The following QSOX2 variants were observed in gnomAD, a reference collection of about 807,000 sequenced individuals.
The protein encoded by QSOX2 is quiescin sulfhydryl oxidase 2.
In QSOX2, 46 loss-of-function variants were observed where a neutral mutation model predicts 61.7. The observed-to-expected ratio is 0.75, with a 90% CI of 0.59 to 0.95. The LOEUF (loss-of-function observed/expected upper bound fraction) is 0.95, where lower values mean the gene tolerates loss of function less well. Ranked by LOEUF, QSOX2 falls within the 40% of genes least tolerant of loss-of-function variation. The pLI is 0.00. For synonymous variants in QSOX2, 383 were observed against 388.4 expected (o/e 0.99, Z 0.16); for missense variants, 879 against 918.9 (o/e 0.96, Z 0.56).
Position 136,223,847 on chromosome 9 carries a change from A to C in QSOX2, c.591T>G (p.Ser197Arg), listed in dbSNP as rs370519820. 1.2e-6 allele frequency: 2 copies of C among 1,613,944 alleles called. No individual in the cohort carries two copies. Among genetic ancestry groups the C allele is most frequent in the African/African-American group, 2.7e-5 (2 of 75,010 alleles). ...GGTTGTCAAGAAGGGAAAGAACATC[A>C]CTGGGCCTTTCAAGAGGAAAAAAAG... is the stretch of plus-strand genomic sequence containing the variant. ...ACPRLDPIQP[S>R]DVLSLLDNRG... The change falls in exon 5 of 12, where the codon AGT (serine) becomes AGG (arginine). Residue 197 changes from serine (S) to arginine (R), a missense_variant. By Grantham distance (110) the Ser-to-Arg change is moderately radical. Coordinates refer to ENST00000358701, the MANE Select transcript of QSOX2 (RefSeq NM_181701.4). This position sits in a 1 kb window ranked among gnomAD's most constrained non-coding sequence, Gnocchi z 4.4.
At position 136,216,528 on chromosome 9, in the gene QSOX2, C is replaced by T. The variant is rs1564290564; in HGVS notation, c.1209+72G>A. The T allele has an allele frequency of 2.5e-6, 4 of 1,583,816 alleles. No homozygotes were observed. The South Asian group carries it at 4.5e-5, about 18-fold the overall frequency. On this transcript the variant is annotated intron_variant, in intron 9 of 11. Transcript: ENST00000358701. ...CCCGGGCCCCGAGCAGGGAGATGCACCAGCTAAGGGCAAGGGAAGGAAGGC... is the reference window on the plus strand; with the variant it reads ...CCCGGGCCCCGAGCAGGGAGATGCATCAGCTAAGGGCAAGGGAAGGAAGGC...
chr9:136,223,908 A>G lies in QSOX2; in HGVS notation c.585-55T>C. 3 of 1,585,822 alleles carry G rather than the reference A, an allele frequency of 1.9e-6. No individual in the cohort carries two copies. Among genetic ancestry groups the G allele is most frequent in the Non-Finnish European group, 2.6e-6 (3 of 1,155,070 alleles). On this transcript the variant is annotated intron_variant, in intron 4 of 11. Transcript: ENST00000358701. The surrounding 1 kb of genome is among the most constrained non-coding windows in gnomAD (Gnocchi z 4.4). The stretch of plus-strand genomic sequence containing the variant: ...TGCCGTCAACAGCAGCGAGTTGGCC[A>G]CCACATCCCAGTGGCCACATCACTT...
rs1831943271 is a variant in QSOX2 at position 136,218,683 on chromosome 9, G to A, written c.1082C>T (p.Ala361Val). 4.3e-6 allele frequency: 7 copies of A among 1,613,536 alleles called. No homozygotes were observed. Among genetic ancestry groups the A allele is most frequent in the Non-Finnish European group, 5.9e-6 (7 of 1,179,832 alleles). Reference sequence around the variant, plus strand: ...CAGACCAGCACCGTCCCAAACCTTGGCCAAGACAGTCACAAAGTCCTTGAG... The same window carrying A: ...CAGACCAGCACCGTCCCAAACCTTGACCAAGACAGTCACAAAGTCCTTGAG... ...KTLKDFVTVL[A>V]KLFPGRPPVK... is the part of the protein sequence containing the mutation. Residue 361 changes from alanine to valine, a missense_variant, in exon 8 of 12, where the codon GCC (alanine) becomes GTC (valine). Coordinates refer to ENST00000358701, the MANE Select transcript of QSOX2 (RefSeq NM_181701.4).
chr9:136,229,899 T>C (rs1830314863), intron 1 of QSOX2, among the ~76,000 whole-genome samples: 1 of 152,216 alleles, frequency 6.6e-6, no homozygotes, highest in South Asian at 2.1e-4. Flanking sequence ...CACAGAGCCC[T>C]GCACAGCGAC....
intron 1 of QSOX2, 48 bp from the exon 2 acceptor site, chr9:136,226,922 G>A (rs752223419): frequency 3.2e-5 from 49 of 1,540,140 alleles, no homozygotes; most frequent in Non-Finnish European, 4.0e-5. Context: ...CTGGACTCCC[G>A]GGAAGCCCAG....
chr9:136,225,618 T>C (rs1830273357), intron 2 of QSOX2, among the ~76,000 whole-genome samples: 1 of 152,222 alleles, frequency 6.6e-6, no homozygotes, highest in African/African-American at 2.4e-5. Context: ...TGCAGGTCTG[T>C]TGTGCACAGA....
rs768070302 is a variant in QSOX2 at position 136,223,765 on chromosome 9, C to T, written c.673G>A (p.Glu225Lys). Residue 225 changes from glutamate to lysine, a missense_variant and splice_region_variant, in exon 5 of 12, where the codon GAG becomes AAG. Transcript: ENST00000358701. The surrounding 1 kb of genome is among the most constrained non-coding windows in gnomAD (Gnocchi z 4.4). Reference protein sequence around the residue: ...FESNSSYLGREVILDLIPYES... With the variant: ...FESNSSYLGRKVILDLIPYES... ...TGGAGCCCACGCAGAGGCCGTACCTCCCGTCCAAGGTAGGAGCTGTTGCTT... is the reference window on the plus strand; with the variant it reads ...TGGAGCCCACGCAGAGGCCGTACCTTCCGTCCAAGGTAGGAGCTGTTGCTT... 1.2e-6 allele frequency: 2 copies of T among 1,613,758 alleles called. No homozygotes were observed. Among genetic ancestry groups the T allele is most frequent in the South Asian group, 1.1e-5 (1 of 91,050 alleles).
intron 10 of QSOX2, among the ~76,000 whole-genome samples, chr9:136,212,259 C>T (rs896616031): frequency 6.6e-6 from 1 of 152,224 alleles, no homozygotes. Flanking sequence ...CTCGGCAGTC[C>T]CCACTCAGAC....
At position 136,209,375 on chromosome 9, in the gene QSOX2, C is replaced by T; in HGVS notation, c.1550-100G>A. ...ACTCCCACTCCCACCCACCACGGGC[C>T]TCCACTGCCCTGGCCCAGGGTCCTG... is the stretch of plus-strand genomic sequence containing the variant. On this transcript the variant is annotated intron_variant, in intron 11 of 11. Transcript: ENST00000358701. This position sits in a 1 kb window ranked among gnomAD's most constrained non-coding sequence, Gnocchi z 5.6. 6.5e-7 allele frequency: 1 copy of T among 1,533,174 alleles called. No individual in the cohort carries two copies. The highest frequency in any genetic ancestry group is 8.8e-7 in the Non-Finnish European group (1 of 1,141,148). 95.0% of individuals were successfully genotyped at this position (1,533,174 alleles called of 1,614,324 possible).
chr9:136,237,470 A>T (rs1196756207), intron 1 of QSOX2, among the ~76,000 whole-genome samples: 150 of 47,434 alleles, frequency 3.2e-3, no homozygotes, highest in Admixed American at 3.4e-3. Flanking sequence ...TGTGCCGGCG[A>T]CACCTGGAGC....
In QSOX2 at chr9:136,209,755, T is replaced by C. The variant is rs1831823367; in HGVS notation, c.1550-480A>G. 4.1e-6 allele frequency: 4 copies of C among 984,912 alleles called. No individual in the cohort carries two copies. The highest frequency in any genetic ancestry group is 5.2e-4 in the Middle Eastern group (1 of 1,914). The allele number at this position is 984,912 out of a possible 1,614,324, so 61.0% of individuals were successfully genotyped here. On this transcript the variant is annotated intron_variant, in intron 11 of 11. Coordinates refer to ENST00000358701, the MANE Select transcript of QSOX2 (RefSeq NM_181701.4). This position sits in a 1 kb window ranked among gnomAD's most constrained non-coding sequence, Gnocchi z 5.6. ...CCTGGGTGCTATGGACAGTGGGCCTTAGGTGCACCTTCAGGAAAGGGCAGA... is the reference window on the plus strand; with the variant it reads ...CCTGGGTGCTATGGACAGTGGGCCTCAGGTGCACCTTCAGGAAAGGGCAGA...
At chr9:136,235,581 C>T (rs981070868) in intron 1 of QSOX2, among the ~76,000 whole-genome samples, 4 of 152,230 alleles carry the variant, frequency 2.6e-5, no homozygotes, top group Admixed American at 6.5e-5. Flanking sequence ...CACGGGCAGC[C>T]ACTGATGTGC....
chr9:136,227,208 C>T (rs1035943164), intron 1 of QSOX2, among the ~76,000 whole-genome samples: 2 of 152,186 alleles, frequency 1.3e-5, no homozygotes, highest in Non-Finnish European at 2.9e-5. Flanking sequence ...CGGCTGTCAG[C>T]GGCCGGCACT....
chr9:136,214,251 T>C (rs1222005393), intron 10 of QSOX2, among the ~76,000 whole-genome samples: 1 of 152,226 alleles, frequency 6.6e-6, no homozygotes, highest in Non-Finnish European at 1.5e-5. Context: ...TTGAAAATTA[T>C]TAAATCCAAC....
Position 136,216,732 on chromosome 9 carries a change from G to A in QSOX2, c.1087-10C>T. On this transcript the variant is annotated splice_polypyrimidine_tract_variant and intron_variant, in intron 8 of 11. Coordinates refer to ENST00000358701, the MANE Select transcript of QSOX2 (RefSeq NM_181701.4). Reference sequence around the variant, plus strand: ...GCCGTCCAGGGAACAGCTGCATGAGGAAGGAGCCACCTGAGAGCTACAGAC... The same window carrying A: ...GCCGTCCAGGGAACAGCTGCATGAGAAAGGAGCCACCTGAGAGCTACAGAC... The A allele has an allele frequency of 2.5e-6, 4 of 1,612,856 alleles. No individual in the cohort carries two copies. Among genetic ancestry groups the A allele is most frequent in the African/African-American group, 2.7e-5 (2 of 75,050 alleles).
At chr9:136,226,990 C>G in intron 1 of QSOX2, 116 bp from the exon 2 acceptor site, 1 of 775,970 alleles carries the variant, frequency 1.3e-6, no homozygotes, top group Non-Finnish European at 2.3e-6. Flanking sequence ...CACCTGCCCC[C>G]TCTAGGTCAT....
In QSOX2 at chr9:136,222,073, C is replaced by T; in HGVS notation, c.676-132G>A. The stretch of plus-strand genomic sequence containing the variant: ...AAGTCTGTCCCCCTGCAGGCAAGAC[C>T]CTCACTCAAATCTTCACTCTCATTG... On this transcript the variant is annotated intron_variant, in intron 5 of 11. Transcript: ENST00000358701. This position sits in a 1 kb window ranked among gnomAD's most constrained non-coding sequence, Gnocchi z 6.9. 3.4e-6 allele frequency: 3 copies of T among 893,490 alleles called. No homozygotes were observed. Among genetic ancestry groups the T allele is most frequent in the Non-Finnish European group, 4.7e-6 (3 of 635,138 alleles). 55.3% of individuals were successfully genotyped at this position (893,490 alleles called of 1,614,324 possible).
chr9:136,207,543 A>G lies in QSOX2; in HGVS notation c.*1185T>C. Reference sequence around the variant, plus strand: ...TTTACATCTTCAGAGGCAACGGACCACTAAATGTTTTGGGTTTAAAAACAA... The same window carrying G: ...TTTACATCTTCAGAGGCAACGGACCGCTAAATGTTTTGGGTTTAAAAACAA... On this transcript the variant is annotated 3_prime_UTR_variant, in exon 12 of 12. Transcript: ENST00000358701. The G allele has an allele frequency of 6.6e-6, 1 of 152,374 alleles. No individual in the cohort carries two copies. The highest frequency in any genetic ancestry group is 1.9e-4 in the East Asian group (1 of 5,340). The allele number at this position is 152,374 out of a possible 1,614,324, so 9.4% of individuals were successfully genotyped here. A position where few individuals can be genotyped will look rare whatever the true frequency, so the allele number is the denominator to read the frequency against.
intron 1 of QSOX2, among the ~76,000 whole-genome samples, chr9:136,243,847 C>A (rs183425860): frequency 6.6e-6 from 1 of 152,338 alleles, no homozygotes; most frequent in East Asian, 1.9e-4. Flanking sequence ...TTCTTCCTGT[C>A]GTGACTGGGA....
Sources: allele counts gnomAD v4.1 joint callset (sites outside exome capture counted in the v4.1 genomes callset), GRCh38; gene constraint gnomAD v4.1.1; non-coding constraint Gnocchi (gnomAD v3.1); transcripts MANE v1.5; gene names NCBI Gene and HGNC (gene_info 2026-07-23, HGNC 2026-07-21).